The following GPC6 variants were observed in gnomAD, a reference collection of about 807,000 sequenced individuals.
GPC6 encodes glypican-6.
GPC6 carries 14 observed loss-of-function variants against 55.2 expected under a neutral mutation model. The observed-to-expected ratio is 0.25, with a 90% CI of 0.17 to 0.40. The LOEUF (loss-of-function observed/expected upper bound fraction) is 0.40. Among genes scored for constraint, GPC6 ranks in the 10% least tolerant of loss-of-function variants. The pLI is 1.00. For synonymous variants in GPC6, 278 were observed against 259.6 expected (o/e 1.07, Z -0.68); for missense variants, 641 against 708.5 (o/e 0.90, Z 1.08).
At chr13:93,231,390 T>TATAC (rs1555336141) in intron 1 of GPC6, among the ~76,000 whole-genome samples, 1 of 21,066 alleles carries the variant, frequency 4.7e-5, no homozygotes, top group African/African-American at 2.1e-4. Context: ...CATATATATA[T>TATAC]ATATATGTAT....
intron 3 of GPC6, among the ~76,000 whole-genome samples, chr13:93,924,492 A>C (rs1224917248): frequency 6.6e-6 from 1 of 152,216 alleles, no homozygotes. Context: ...TTAGGGGGAA[A>C]AAAAGCATTA....
In GPC6 at chr13:93,676,151, A is replaced by G. The variant is rs1881612116; in HGVS notation, c.319+130730A>G. ...AATATATATATATATATATATATAT[A>G]TATATATATATATATATACATACAC... On this transcript the variant is annotated intron_variant, in intron 2 of 8. Coordinates refer to ENST00000377047, the MANE Select transcript of GPC6 (RefSeq NM_005708.5). Among the ~76,000 whole-genome samples the G allele has an allele frequency of 9.9e-5, 2 of 20,302 alleles. 1 individual carries two copies. The highest frequency in any genetic ancestry group is 1.1e-3 in the East Asian group (2 of 1,820). The allele number at this position is 20,302 out of a possible 152,430, so 13.3% of individuals were successfully genotyped here.
intron 3 of GPC6, among the ~76,000 whole-genome samples, chr13:93,889,575 A>T (rs1425999232): frequency 6.6e-6 from 1 of 152,152 alleles, no homozygotes; most frequent in Admixed American, 6.6e-5. Flanking sequence ...TGTACTAGGT[A>T]TCACTAAGAT....
At position 93,411,767 on chromosome 13, in the gene GPC6, G is replaced by A. The variant is rs184924754; in HGVS notation, c.161-133496G>A. On this transcript the variant is annotated intron_variant, in intron 1 of 8. Transcript: ENST00000377047. Reference sequence around the variant, plus strand: ...TGTAATCTCAGCACTTTGGGAGGTCGAGGTGGGTCTATCACCTGAGGTCAG... The same window carrying A: ...TGTAATCTCAGCACTTTGGGAGGTCAAGGTGGGTCTATCACCTGAGGTCAG... Among the ~76,000 whole-genome samples the A allele has an allele frequency of 4.7e-3, 722 of 152,150 alleles. 4 individuals are homozygous for A. Among genetic ancestry groups the A allele is most frequent in the African/African-American group, 0.017 (698 of 41,514 alleles).
chr13:93,790,266 T>C (rs941243120), intron 2 of GPC6, among the ~76,000 whole-genome samples: 1 of 152,190 alleles, frequency 6.6e-6, no homozygotes, highest in African/African-American at 2.4e-5. Flanking sequence ...TAATCTTGAA[T>C]TGAGGAGTTG....
chr13:94,336,134 C>T (rs902509088), intron 6 of GPC6, among the ~76,000 whole-genome samples: 6 of 152,096 alleles, frequency 3.9e-5, no homozygotes, highest in Admixed American at 6.5e-5. Flanking sequence ...CCATGACACA[C>T]CCGAGCCGCA....
intron 4 of GPC6, among the ~76,000 whole-genome samples, chr13:94,183,984 A>G (rs1309605028): frequency 6.6e-6 from 1 of 152,210 alleles, no homozygotes; most frequent in African/African-American, 2.4e-5. Flanking sequence ...AAGGCTGACA[A>G]AAACAAGCAA....
At chr13:93,411,998 G>C (rs547519016) in intron 1 of GPC6, among the ~76,000 whole-genome samples, 2 of 137,572 alleles carry the variant, frequency 1.5e-5, no homozygotes, top group African/African-American at 2.7e-5. Context: ...GAGGGACTAT[G>C]TCTCAAAAAA....
At chr13:93,458,847 G>A (rs61964206) in intron 1 of GPC6, among the ~76,000 whole-genome samples, 31,140 of 151,954 alleles carry the variant, frequency 0.2, 3,926 homozygotes, top group Middle Eastern at 0.36. Context: ...CACTCACAGC[G>A]GAGTTGTTGC....
At chr13:93,591,173 G>T (rs1209399222) in intron 2 of GPC6, among the ~76,000 whole-genome samples, 1 of 124,426 alleles carries the variant, frequency 8.0e-6, no homozygotes, top group East Asian at 2.2e-4. Flanking sequence ...AAAAAAAAAG[G>T]AAATCACCTT....
At chr13:93,390,813 A>C (rs953349471) in intron 1 of GPC6, among the ~76,000 whole-genome samples, 1 of 151,522 alleles carries the variant, frequency 6.6e-6, no homozygotes, top group South Asian at 2.1e-4. Context: ...AAAAAAAAAA[A>C]TCTTGGGGAC....
intron 2 of GPC6, among the ~76,000 whole-genome samples, chr13:93,664,745 G>A (rs530314016): frequency 9.2e-5 from 14 of 152,240 alleles, no homozygotes; most frequent in African/African-American, 3.1e-4. Flanking sequence ...AGCCTCCTGA[G>A]TAGCTGGGAT....
chr13:93,388,564 TAGA>T (rs2139214230), intron 1 of GPC6, among the ~76,000 whole-genome samples: 1 of 152,320 alleles, frequency 6.6e-6, no homozygotes, highest in East Asian at 1.9e-4. Context: ...TTAAGCTGAA[TAGA>T]GTAGCTTTCT....
At chr13:94,306,426 G>C (rs929764944) in intron 6 of GPC6, among the ~76,000 whole-genome samples, 2 of 152,144 alleles carry the variant, frequency 1.3e-5, no homozygotes, top group Non-Finnish European at 2.9e-5. Context: ...TTCTTCCAGA[G>C]ATATAATTGC....
intron 4 of GPC6, among the ~76,000 whole-genome samples, chr13:94,189,865 C>T (rs1889326994): frequency 6.6e-6 from 1 of 151,764 alleles, no homozygotes; most frequent in Non-Finnish European, 1.5e-5. Flanking sequence ...ACTAAAAATA[C>T]AAAAAATTGG....
At chr13:94,355,275 G>A (rs1235944920) in intron 6 of GPC6, among the ~76,000 whole-genome samples, 2 of 151,918 alleles carry the variant, frequency 1.3e-5, no homozygotes, top group African/African-American at 2.4e-5. Context: ...CTCCCGCGTC[G>A]GCCTCCCAAA....
intron 5 of GPC6, among the ~76,000 whole-genome samples, chr13:94,294,855 C>A (rs184435326): frequency 2.6e-5 from 4 of 152,090 alleles, no homozygotes; most frequent in South Asian, 2.1e-4. Flanking sequence ...CCTTTTTTTA[C>A]GGTTATTTTT....
chr13:93,937,601 T>C (rs1055917156), intron 3 of GPC6, among the ~76,000 whole-genome samples: 4 of 152,192 alleles, frequency 2.6e-5, no homozygotes, highest in Non-Finnish European at 5.9e-5. Flanking sequence ...TTTTTTGACA[T>C]GGAGTCTCGC....
intron 1 of GPC6, among the ~76,000 whole-genome samples, chr13:93,309,151 T>C (rs538048305): frequency 1.1e-4 from 16 of 152,312 alleles, no homozygotes; most frequent in African/African-American, 3.6e-4. Flanking sequence ...TGCCTAGGTA[T>C]ATTGGACACA....
Sources: allele counts gnomAD v4.1 joint callset (sites outside exome capture counted in the v4.1 genomes callset), GRCh38; gene constraint gnomAD v4.1.1; transcripts MANE v1.5; gene names NCBI Gene and HGNC (gene_info 2026-07-23, HGNC 2026-07-21).